Variants in CNTN1 observed in about 807,000 individuals in gnomAD.
CNTN1 encodes contactin 1.
Under a neutral mutation model 126.4 loss-of-function variants are expected in CNTN1, and 38 were observed. The observed-to-expected ratio is 0.30, with a 90% CI of 0.23 to 0.39. The LOEUF (loss-of-function observed/expected upper bound fraction) is 0.39. CNTN1 is among the 10% of genes least tolerant of loss of function. CNTN1 has a pLI of 1.00. For missense variants in CNTN1, 1,009 were observed against 1,248.4 expected (o/e 0.81, Z 2.89); for synonymous variants, 413 against 422.6 (o/e 0.98, Z 0.28).
At chr12:40,695,445 T>C (rs1941427321) in intron 1 of CNTN1, among the ~76,000 whole-genome samples, 3 of 152,208 alleles carry the variant, frequency 2.0e-5, no homozygotes. Context: ...TTGTGTCCCT[T>C]GAGACCAACT....
intron 1 of CNTN1, among the ~76,000 whole-genome samples, chr12:40,698,446 G>A (rs1042674420): frequency 1.3e-5 from 2 of 151,488 alleles, no homozygotes; most frequent in Admixed American, 6.6e-5. Flanking sequence ...CCGTGTTAGC[G>A]AGGATGGTCT....
chr12:40,942,165 G>A (rs1360159132), intron 12 of CNTN1, among the ~76,000 whole-genome samples: 1 of 152,038 alleles, frequency 6.6e-6, no homozygotes, highest in African/African-American at 2.4e-5. Context: ...ACTTGGCTGA[G>A]GATTTATACT....
chr12:40,814,079 A>C (rs1032401877), intron 1 of CNTN1, among the ~76,000 whole-genome samples: 3 of 152,004 alleles, frequency 2.0e-5, no homozygotes, highest in Non-Finnish European at 4.4e-5. Context: ...TAAGTTCCCT[A>C]TAAATTCTGG....
At chr12:41,037,560 G>C (rs1949293219) in intron 23 of CNTN1, among the ~76,000 whole-genome samples, 1 of 151,920 alleles carries the variant, frequency 6.6e-6, no homozygotes, top group African/African-American at 2.4e-5. Flanking sequence ...TGACATTTCT[G>C]TGAAGACATT....
intron 1 of CNTN1, among the ~76,000 whole-genome samples, chr12:40,700,465 G>A (rs948063208): frequency 6.6e-6 from 1 of 152,078 alleles, no homozygotes; most frequent in Non-Finnish European, 1.5e-5. Context: ...GGCAGAGGTT[G>A]CAGGGAGCTG....
At chr12:40,805,702 G>A (rs1213252521) in intron 1 of CNTN1, among the ~76,000 whole-genome samples, 1 of 151,834 alleles carries the variant, frequency 6.6e-6, no homozygotes, top group South Asian at 2.1e-4. Context: ...AAAATAGTTT[G>A]CTGTGTGTGT....
At position 41,057,601 on chromosome 12, in the gene CNTN1, G is replaced by T. The variant is rs77151663; in HGVS notation, c.2981-12358G>T. On this transcript the variant is annotated intron_variant, in intron 23 of 23. Coordinates refer to ENST00000551295, the MANE Select transcript of CNTN1 (RefSeq NM_001843.4). ...CACTTTAGTGGATATTGGTTTAGATGGGCTGATTGCTTGATTTTAAATCTT... is the reference window on the plus strand; with the variant it reads ...CACTTTAGTGGATATTGGTTTAGATTGGCTGATTGCTTGATTTTAAATCTT... Among the ~76,000 whole-genome samples the T allele has an allele frequency of 6.4e-3, 966 of 152,020 alleles. 13 individuals are homozygous for T. Among genetic ancestry groups the T allele is most frequent in the African/African-American group, 0.021 (886 of 41,480 alleles).
At chr12:40,853,563 CATTT>C (rs1453322000) in intron 1 of CNTN1, among the ~76,000 whole-genome samples, 1 of 152,006 alleles carries the variant, frequency 6.6e-6, no homozygotes, top group Non-Finnish European at 1.5e-5. Flanking sequence ...ACTCATTCAC[CATTT>C]ATTTATTCAA....
intron 1 of CNTN1, among the ~76,000 whole-genome samples, chr12:40,904,058 G>A (rs1371104977): frequency 1.3e-5 from 2 of 151,918 alleles, no homozygotes; most frequent in African/African-American, 2.4e-5. Context: ...TCGCTCTGTC[G>A]CCTAGGCTGG....
intron 23 of CNTN1, among the ~76,000 whole-genome samples, chr12:41,060,471 G>C (rs1255550498): frequency 6.6e-6 from 1 of 152,162 alleles, no homozygotes; most frequent in East Asian, 1.9e-4. Context: ...GGCAGTGGAA[G>C]GAATAATTTA....
intron 1 of CNTN1, among the ~76,000 whole-genome samples, chr12:40,737,921 C>G (rs2136375934): frequency 6.6e-6 from 1 of 152,098 alleles, no homozygotes; most frequent in South Asian, 2.1e-4. Flanking sequence ...GTGTGGCTTA[C>G]TCTAGGAACT....
chr12:40,916,332 G>A (rs940540976), intron 3 of CNTN1, among the ~76,000 whole-genome samples: 3 of 152,038 alleles, frequency 2.0e-5, no homozygotes, highest in African/African-American at 7.2e-5. Flanking sequence ...GCTCCAGTCA[G>A]AAACCCTGTG....
In CNTN1 at chr12:41,016,782, C is replaced by T. The variant is rs1592409142; in HGVS notation, c.2285C>T (p.Pro762Leu). The T allele has an allele frequency of 6.2e-7, 1 of 1,614,084 alleles. No individual in the cohort carries two copies. The highest frequency in any genetic ancestry group is 1.7e-5 in the Admixed American group (1 of 60,022). Residue 762 changes from proline to leucine, a missense_variant, in exon 19 of 24, where the codon CCT becomes CTT. Pro to Leu is a moderately conservative substitution (Grantham distance 98, BLOSUM62 -3). Coordinates refer to ENST00000551295, the MANE Select transcript of CNTN1 (RefSeq NM_001843.4). The part of the protein sequence containing the change: ...EEWKKVTVTN[P>L]DTGRYVHKDE... ...TGGAAAAAAGTCACAGTTACTAATCCTGATACTGGCCGATATGTCCATAAA... is the reference window on the plus strand; with the variant it reads ...TGGAAAAAAGTCACAGTTACTAATCTTGATACTGGCCGATATGTCCATAAA...
At chr12:40,978,011 C>G (rs1947728016) in intron 15 of CNTN1, among the ~76,000 whole-genome samples, 1 of 152,004 alleles carries the variant, frequency 6.6e-6, no homozygotes, top group South Asian at 2.1e-4. Context: ...CTATGTTGGC[C>G]AGGCTGTTCT....
chr12:40,905,866 G>A (rs1416998107), intron 1 of CNTN1, among the ~76,000 whole-genome samples: 1 of 152,148 alleles, frequency 6.6e-6, no homozygotes, highest in Non-Finnish European at 1.5e-5. Context: ...TAACCAGTGT[G>A]TACACATTTC....
chr12:40,819,689 G>T (rs1235309614), intron 1 of CNTN1, among the ~76,000 whole-genome samples: 1 of 152,208 alleles, frequency 6.6e-6, no homozygotes, highest in Non-Finnish European at 1.5e-5. Context: ...GCTGCAGCCA[G>T]TGCTGGTCGC....
chr12:40,869,002 A>AT (rs1175777669), intron 1 of CNTN1, among the ~76,000 whole-genome samples: 3 of 151,924 alleles, frequency 2.0e-5, no homozygotes, highest in South Asian at 2.1e-4. Context: ...TTCATTTCAG[A>AT]TTTTTTTCAG....
intron 23 of CNTN1, among the ~76,000 whole-genome samples, chr12:41,035,266 C>T (rs541215084): frequency 6.6e-6 from 1 of 152,268 alleles, no homozygotes; most frequent in Admixed American, 6.5e-5. Context: ...CCAAGATGTA[C>T]TTTCTACCAG....
intron 1 of CNTN1, among the ~76,000 whole-genome samples, chr12:40,843,054 T>A (rs1415900825): frequency 6.6e-6 from 1 of 152,114 alleles, no homozygotes; most frequent in Non-Finnish European, 1.5e-5. Context: ...ACTAGAGACA[T>A]CCAGAATCAA....
Sources: gnomAD v4.1 joint callset for allele counts (sites outside exome capture counted in the v4.1 genomes callset) on GRCh38, gnomAD v4.1.1 for gene constraint, MANE v1.5 for transcripts, NCBI Gene and HGNC (gene_info 2026-07-23, HGNC 2026-07-21) for gene names.